Variants in NKAIN2 observed in about 807,000 individuals in gnomAD.
NKAIN2 encodes sodium/potassium transporting ATPase interacting 2, also known as sodium/potassium-transporting ATPase subunit beta-1-interacting protein 2.
Under a neutral mutation model 32.6 loss-of-function variants are expected in NKAIN2, and 14 were observed. The ratio of observed to expected loss-of-function variants is 0.43; its 90% confidence interval spans 0.28 to 0.67. The LOEUF (loss-of-function observed/expected upper bound fraction) is 0.67. Ranked by LOEUF, NKAIN2 falls within the 30% of genes least tolerant of loss-of-function variation. NKAIN2 has a pLI of 0.17. For synonymous variants in NKAIN2, 80 were observed against 87.2 expected, an observed-to-expected ratio of 0.92 and a Z score of 0.46; for missense variants, 198 against 258.3, an observed-to-expected ratio of 0.77 and a Z score of 1.60.
intron 3 of NKAIN2, among the ~76,000 whole-genome samples, chr6:124,384,210 C>G (rs1011379398): frequency 6.6e-6 from 1 of 152,130 alleles, no homozygotes; most frequent in Admixed American, 6.6e-5. Context: ...GAACAGTGAA[C>G]TTGGTAATGA....
At chr6:123,993,876 C>CT (rs1779509656) in intron 1 of NKAIN2, among the ~76,000 whole-genome samples, 1 of 152,114 alleles carries the variant, frequency 6.6e-6, no homozygotes, top group African/African-American at 2.4e-5. Context: ...TCCAATAGAA[C>CT]CATGCTACAA....
At chr6:124,191,327 CTTTTT>C (rs201287736) in intron 1 of NKAIN2, among the ~76,000 whole-genome samples, 1 of 151,452 alleles carries the variant, frequency 6.6e-6, no homozygotes, top group Non-Finnish European at 1.5e-5. Flanking sequence ...TCTTGCACAT[CTTTTT>C]TTTGTTTTTG....
At chr6:123,980,981 T>G (rs1778866985) in intron 1 of NKAIN2, among the ~76,000 whole-genome samples, 1 of 151,968 alleles carries the variant, frequency 6.6e-6, no homozygotes, top group African/African-American at 2.4e-5. Flanking sequence ...GCTATTCCCC[T>G]GCCTCAGCCT....
intron 1 of NKAIN2, among the ~76,000 whole-genome samples, chr6:123,885,277 T>C (rs1432776880): frequency 6.6e-6 from 1 of 152,110 alleles, no homozygotes; most frequent in Non-Finnish European, 1.5e-5. Context: ...CCTGATAGGA[T>C]TACGGGATGG....
chr6:124,356,922 T>C (rs1313504691), intron 3 of NKAIN2, among the ~76,000 whole-genome samples: 2 of 152,184 alleles, frequency 1.3e-5, no homozygotes, highest in Non-Finnish European at 2.9e-5. Flanking sequence ...GCAGATCAGA[T>C]AATTTGTTTA....
intron 3 of NKAIN2, among the ~76,000 whole-genome samples, chr6:124,378,360 C>T (rs1231178359): frequency 6.6e-6 from 1 of 152,130 alleles, no homozygotes; most frequent in Non-Finnish European, 1.5e-5. Flanking sequence ...GCATGTCCTA[C>T]TTTCACCACA....
intron 1 of NKAIN2, among the ~76,000 whole-genome samples, chr6:124,211,936 T>G (rs1416083379): frequency 2.0e-5 from 3 of 152,088 alleles, no homozygotes; most frequent in Non-Finnish European, 4.4e-5. Flanking sequence ...TGAGTTCCAG[T>G]GGTAGTCATG....
chr6:123,990,271 G>A (rs1332891097), intron 1 of NKAIN2, among the ~76,000 whole-genome samples: 1 of 152,106 alleles, frequency 6.6e-6, no homozygotes, highest in Non-Finnish European at 1.5e-5. Context: ...ATTTTGGGTG[G>A]GGACCCAGCA....
chr6:124,477,734 CTCTCCT>C (rs1777284515), intron 3 of NKAIN2, among the ~76,000 whole-genome samples: 1 of 59,068 alleles, frequency 1.7e-5, no homozygotes, highest in East Asian at 8.8e-4. Context: ...TTCCCCCTCC[CTCTCCT>C]TCCCCCTTCC....
chr6:124,166,391 G>A (rs1582774907), intron 1 of NKAIN2, among the ~76,000 whole-genome samples: 1 of 152,012 alleles, frequency 6.6e-6, no homozygotes, highest in South Asian at 2.1e-4. Flanking sequence ...AAATTGGTTG[G>A]AGTTCATTGT....
chr6:123,878,691 A>G (rs555461703), intron 1 of NKAIN2, among the ~76,000 whole-genome samples: 3 of 152,284 alleles, frequency 2.0e-5, no homozygotes, highest in South Asian at 2.1e-4. Context: ...GTGCTGTAAC[A>G]TGGTTCCACC....
rs933943235 is a variant in NKAIN2, at chr6:123,876,544, C to T, written c.54+72290C>T. Among the ~76,000 whole-genome samples, 88 of 152,084 alleles carry T rather than the reference C, an allele frequency of 5.8e-4. 1 individual carries two copies. The highest frequency in any genetic ancestry group is 5.7e-3 in the Admixed American group (87 of 15,258). On this transcript the variant is annotated intron_variant, in intron 1 of 6. Coordinates refer to ENST00000368417, the MANE Select transcript of NKAIN2 (RefSeq NM_001040214.3). The stretch of plus-strand genomic sequence containing the variant: ...CAATTTGCTGTCTGCAAGCTAGAGA[C>T]CCAGGAAAGCCAGTGGTGTAGTTTA...
chr6:124,588,658 A>T (rs1781798854), intron 3 of NKAIN2, among the ~76,000 whole-genome samples: 1 of 152,168 alleles, frequency 6.6e-6, no homozygotes, highest in Non-Finnish European at 1.5e-5. Flanking sequence ...TATTCTTCTC[A>T]GAAAGTAAGC....
intron 4 of NKAIN2, among the ~76,000 whole-genome samples, chr6:124,697,779 G>A (rs1583665714): frequency 6.6e-6 from 1 of 152,146 alleles, no homozygotes; most frequent in East Asian, 1.9e-4. Context: ...AGCAAAAGAT[G>A]TATGTACTAG....
intron 4 of NKAIN2, among the ~76,000 whole-genome samples, chr6:124,710,072 C>T (rs1775357092): frequency 6.6e-6 from 1 of 151,748 alleles, no homozygotes; most frequent in African/African-American, 2.4e-5. Flanking sequence ...TTATTTCTGC[C>T]TTCATTTTGT....
At chr6:124,722,126 T>C (rs1315685779) in intron 4 of NKAIN2, among the ~76,000 whole-genome samples, 2 of 152,224 alleles carry the variant, frequency 1.3e-5, no homozygotes, top group Admixed American at 6.5e-5. Flanking sequence ...TTTCAAGGTT[T>C]ATCAATGTTG....
intron 1 of NKAIN2, among the ~76,000 whole-genome samples, chr6:124,070,203 A>G (rs1411118168): frequency 2.0e-5 from 3 of 152,044 alleles, no homozygotes; most frequent in African/African-American, 7.2e-5. Flanking sequence ...TGTTCTATTT[A>G]TCTTATAGAC....
chr6:124,124,594 C>T (rs1562371907), intron 1 of NKAIN2, among the ~76,000 whole-genome samples: 1 of 152,120 alleles, frequency 6.6e-6, no homozygotes. Flanking sequence ...AAGATGTCTC[C>T]TACTCATTTC....
chr6:123,880,976 A>C (rs1562236404), intron 1 of NKAIN2, among the ~76,000 whole-genome samples: 1 of 152,192 alleles, frequency 6.6e-6, no homozygotes, highest in Non-Finnish European at 1.5e-5. Flanking sequence ...GTTATATTAC[A>C]GGGTGGGCAA....
Sources: gnomAD v4.1 joint callset for allele counts (sites outside exome capture counted in the v4.1 genomes callset) on GRCh38, gnomAD v4.1.1 for gene constraint, MANE v1.5 for transcripts, NCBI Gene and HGNC (gene_info 2026-07-23, HGNC 2026-07-21) for gene names.